Variants in SLC9C2 observed in about 807,000 individuals in gnomAD.
SLC9C2 encodes the protein sodium/hydrogen exchanger 11.
Under a neutral mutation model 140.2 loss-of-function variants are expected in SLC9C2, and 75 were observed. The ratio of observed to expected loss-of-function variants is 0.53; its 90% CI spans 0.44 to 0.65. The LOEUF is 0.65. SLC9C2 is among the 30% of genes least tolerant of loss of function. The probability of loss-of-function intolerance (pLI) is 0.00; values close to 1 mark genes in which losing one functional copy is unlikely to be tolerated. For synonymous variants in SLC9C2, 375 were observed against 420.9 expected (o/e 0.89, Z 1.34); for missense variants, 1,074 against 1,331.8 (o/e 0.81, Z 3.01).
rs145850158 is a variant in SLC9C2, at chr1:173,561,128, G to A, written c.1047-3620C>T. On this transcript the variant is annotated intron_variant, in intron 9 of 27. Transcript: ENST00000367714. ...ACATTTCTTAAGCCTCCCATATGAA[G>A]CTTATCTTTCCTTATGTTATAGTTA... Among the ~76,000 whole-genome samples, 538 of 152,176 alleles carry A rather than the reference G, an allele frequency of 3.5e-3. 5 individuals are homozygous for A. Among genetic ancestry groups the A allele is most frequent in the African/African-American group, 0.012 (515 of 41,516 alleles).
chr1:173,523,371 CA>C (rs888029182), intron 21 of SLC9C2, among the ~76,000 whole-genome samples: 14 of 151,506 alleles, frequency 9.2e-5, no homozygotes, highest in African/African-American at 2.9e-4. Flanking sequence ...GACTCTATCT[CA>C]AAAAAATAAA....
intron 25 of SLC9C2, among the ~76,000 whole-genome samples, chr1:173,506,270 G>GCCTCTGGGTCCTCCCCATTC (rs1241095563): frequency 6.6e-6 from 1 of 152,160 alleles, no homozygotes; most frequent in Non-Finnish European, 1.5e-5. Context: ...TCTTCCCATG[G>GCCTCTGGGTCCTCCCCATTC]CCTCTGGGTC....
chr1:173,583,069 A>G (rs907204581), intron 6 of SLC9C2, among the ~76,000 whole-genome samples: 1 of 152,192 alleles, frequency 6.6e-6, no homozygotes, highest in African/African-American at 2.4e-5. Flanking sequence ...TCGGGTATCC[A>G]TGGGGCATTG....
intron 3 of SLC9C2, among the ~76,000 whole-genome samples, chr1:173,599,361 G>GTTTTTTTTTTTTTTT (rs1558103752): frequency 2.0e-5 from 1 of 50,380 alleles, no homozygotes; most frequent in African/African-American, 7.5e-5. Context: ...CATTTTCCTT[G>GTTTTTTTTTTTTTTT]ATTTTTTTTT....
Position 173,503,314 on chromosome 1 carries a change from G to A in SLC9C2, c.3323C>T (p.Thr1108Met), listed in dbSNP as rs558671181. The A allele has an allele frequency of 1.2e-4, 188 of 1,613,546 alleles. 1 individual carries two copies. The South Asian group carries it at 1.8e-3, about 15-fold the overall frequency. ...ATTCTTTCCTGGTTGTTCAAAGACC[G>A]TGTTGACTGAGGCTAACCAAATCCA... The part of the protein sequence containing the change: ...SNTNVMASVN[T>M]VFEQPGKNIN... Residue 1108 changes from threonine to methionine, a missense_variant, in exon 27 of 28, where the codon ACG becomes ATG. Physicochemically the swap from Thr to Met is moderately conservative, Grantham distance 81. Coordinates refer to ENST00000367714, the MANE Select transcript of SLC9C2 (RefSeq NM_178527.4).
chr1:173,501,293 C>T (rs1399514055), intron 27 of SLC9C2, among the ~76,000 whole-genome samples, 196 bp from the exon 28 acceptor site: 2 of 152,064 alleles, frequency 1.3e-5, no homozygotes, highest in African/African-American at 4.8e-5. Context: ...ACGCTGTCAT[C>T]TTGTGAAGAG....
At chr1:173,541,314 C>A (rs34464492) in intron 13 of SLC9C2, among the ~76,000 whole-genome samples, 22,210 of 152,102 alleles carry the variant, frequency 0.15, 1,986 homozygotes, top group East Asian at 0.31. Context: ...GCTAACTATC[C>A]TAAATATATA....
intron 13 of SLC9C2, among the ~76,000 whole-genome samples, chr1:173,540,573 G>A (rs1267573181): frequency 1.3e-5 from 2 of 152,204 alleles, no homozygotes; most frequent in African/African-American, 4.8e-5. Context: ...GGAGGCTGGA[G>A]GGAGGCAGCC....
At chr1:173,509,829 G>T in intron 23 of SLC9C2, 130 bp from the exon 24 acceptor site, 1 of 903,604 alleles carries the variant, frequency 1.1e-6, no homozygotes. Flanking sequence ...TGATACTCTT[G>T]TCATTTAGAA....
chr1:173,508,915 T>A (rs918382753), intron 24 of SLC9C2, among the ~76,000 whole-genome samples: 1 of 152,162 alleles, frequency 6.6e-6, no homozygotes. Flanking sequence ...TATATTAACA[T>A]CGGCAGAGTA....
chr1:173,589,086 A>T (rs988001611), intron 4 of SLC9C2, among the ~76,000 whole-genome samples: 4 of 152,168 alleles, frequency 2.6e-5, no homozygotes, highest in South Asian at 2.1e-4. Context: ...TCTAAAAATA[A>T]AATAAGTGCG....
chr1:173,529,139 A>G (rs1183705300), intron 18 of SLC9C2, among the ~76,000 whole-genome samples: 1 of 152,214 alleles, frequency 6.6e-6, no homozygotes, highest in Admixed American at 6.5e-5. Flanking sequence ...CACAACTAGA[A>G]ATTTAAAAAT....
At chr1:173,523,350 C>A (rs867594516) in intron 21 of SLC9C2, among the ~76,000 whole-genome samples, 2 of 151,830 alleles carry the variant, frequency 1.3e-5, no homozygotes, top group Admixed American at 6.6e-5. Context: ...CCAGCCTGGG[C>A]GGCAGAGTGA....
intron 13 of SLC9C2, among the ~76,000 whole-genome samples, chr1:173,544,761 A>T (rs1236982467): frequency 6.6e-6 from 1 of 152,310 alleles, no homozygotes; most frequent in South Asian, 2.1e-4. Context: ...ACAAGGACAA[A>T]AAACCAAACA....
intron 4 of SLC9C2, among the ~76,000 whole-genome samples, chr1:173,591,019 C>A (rs996916688): frequency 6.6e-6 from 1 of 151,998 alleles, no homozygotes; most frequent in Non-Finnish European, 1.5e-5. Context: ...GCCTAGTATA[C>A]AATAGTTATT....
At chr1:173,557,265 C>T (rs1240288801) in intron 10 of SLC9C2, 75 bp downstream of exon 10, 2 of 1,404,896 alleles carry the variant, frequency 1.4e-6, no homozygotes, top group Admixed American at 2.2e-5. Context: ...AACTTTATTA[C>T]TGGGTTCTCT....
At position 173,509,557 on chromosome 1, in the gene SLC9C2, A is replaced by G; in HGVS notation, c.3039+11T>C. 1.3e-6 allele frequency: 2 copies of G among 1,508,076 alleles called. No homozygotes were observed. The highest frequency in any genetic ancestry group is 1.8e-6 in the Non-Finnish European group (2 of 1,131,920). The allele number at this position is 1,508,076 out of a possible 1,614,324, so 93.4% of individuals were successfully genotyped here. A position where few individuals can be genotyped will look rare whatever the true frequency, so the allele number is the denominator to read the frequency against. On this transcript the variant is annotated intron_variant, in intron 24 of 27. Transcript: ENST00000367714. ...AATTCAATTTATTAATATTTTAATC[A>G]CATAACTTACCTCATCAATAAGACT... is the stretch of plus-strand genomic sequence containing the variant.
chr1:173,534,546 A>T lies in SLC9C2; in HGVS notation c.1912T>A (p.Ser638Thr). Residue 638 changes from serine (S) to threonine (T), a missense_variant, in exon 16 of 28, where the codon TCA becomes ACA. Coordinates refer to ENST00000367714, the MANE Select transcript of SLC9C2 (RefSeq NM_178527.4). ...LWPMARGLNV[S>T]ALISINYYFM... The stretch of plus-strand genomic sequence containing the variant: ...TAGTAGTTTATTGATATCAGTGCTG[A>T]TACATTTAAACCTCTTGCCATTGGC... 3 of 1,599,076 alleles carry T rather than the reference A, an allele frequency of 1.9e-6. No individual in the cohort carries two copies. The highest frequency in any genetic ancestry group is 2.6e-6 in the Non-Finnish European group (3 of 1,174,334).
chr1:173,550,785 G>A (rs1663228226), intron 11 of SLC9C2, among the ~76,000 whole-genome samples: 1 of 151,026 alleles, frequency 6.6e-6, no homozygotes, highest in Middle Eastern at 3.2e-3. Flanking sequence ...ACAGCCTGGT[G>A]GGGTGGTAAG....
Sources: gnomAD v4.1 joint callset for allele counts (sites outside exome capture counted in the v4.1 genomes callset) on GRCh38, gnomAD v4.1.1 for gene constraint, MANE v1.5 for transcripts, NCBI Gene and HGNC (gene_info 2026-07-23, HGNC 2026-07-21) for gene names.